ACSM2B: variants seen among roughly 807,000 people sequenced by gnomAD.
ACSM2B encodes acyl-CoA synthetase medium chain family member 2B.
Under a neutral mutation model 78.6 loss-of-function variants are expected in ACSM2B, and 58 were observed. That is an observed-to-expected ratio of 0.74 (90% CI 0.60 to 0.92). The LOEUF (loss-of-function observed/expected upper bound fraction) is 0.92, where lower values mean the gene tolerates loss of function less well. Among genes scored for constraint, ACSM2B ranks in the 40% least tolerant of loss-of-function variants. The pLI is 0.00. For missense variants in ACSM2B, 688 were observed against 711.2 expected (o/e 0.97, Z 0.37); for synonymous variants, 257 against 256.8 (o/e 1.00, Z -0.01).
chr16:20,556,853 T>C (rs2015489282), intron 3 of ACSM2B, among the ~76,000 whole-genome samples: 1 of 152,162 alleles, frequency 6.6e-6, no homozygotes, highest in South Asian at 2.1e-4. Context: ...CTTCTGGCTA[T>C]AATTTCAGTA....
At chr16:20,543,042 A>C (rs1412275900) in intron 11 of ACSM2B, 29 bp from the exon 12 acceptor site, 2 of 1,613,318 alleles carry the variant, frequency 1.2e-6, no homozygotes, top group African/African-American at 2.7e-5. Flanking sequence ...TTCAGAGAAC[A>C]CTGGACACCG....
chr16:20,570,332 T>G (rs1397928515), intron 1 of ACSM2B, among the ~76,000 whole-genome samples: 4 of 152,018 alleles, frequency 2.6e-5, no homozygotes, highest in Admixed American at 2.6e-4. Context: ...GTGATTTTTG[T>G]TTTTAATTCT....
chr16:20,556,104 G>C (rs1333547756), intron 3 of ACSM2B, among the ~76,000 whole-genome samples: 1 of 151,518 alleles, frequency 6.6e-6, no homozygotes, highest in Non-Finnish European at 1.5e-5. Context: ...TTTGTGATGA[G>C]AACATTAGAA....
At chr16:20,540,884 C>T in intron 12 of ACSM2B, 111 bp from the exon 13 acceptor site, 3 of 1,444,950 alleles carry the variant, frequency 2.1e-6, no homozygotes, top group Non-Finnish European at 2.8e-6. Context: ...TACTCATTTG[C>T]ACCCCCGGTG....
intron 6 of ACSM2B, 142 bp downstream of exon 6, chr16:20,552,002 T>C: frequency 7.1e-7 from 1 of 1,403,856 alleles, no homozygotes; most frequent in Non-Finnish European, 9.5e-7. Context: ...AGGGACCATT[T>C]CCATCTCGTT....
chr16:20,539,613 C>T (rs1178363470), intron 13 of ACSM2B, among the ~76,000 whole-genome samples: 2 of 151,994 alleles, frequency 1.3e-5, no homozygotes, highest in African/African-American at 4.8e-5. Context: ...GGAGCTCTCT[C>T]CCCCATCCCC....
intron 1 of ACSM2B, among the ~76,000 whole-genome samples, chr16:20,568,470 T>C (rs573673490): frequency 3.0e-4 from 45 of 150,204 alleles, no homozygotes; most frequent in African/African-American, 1.1e-3. Context: ...TACTTGATGA[T>C]TGACAGGCAT....
chr16:20,555,440 G>T lies in ACSM2B; in HGVS notation c.425C>A (p.Ser142Tyr), dbSNP rs2015444061. 4 of 1,613,618 alleles carry T rather than the reference G, an allele frequency of 2.5e-6. No homozygotes were observed. In the East Asian group the frequency reaches 6.7e-5, roughly 27 times the overall value. The change falls in exon 4 of 14, where the codon TCC (serine) becomes TAC (tyrosine). Residue 142 changes from serine to tyrosine, a missense_variant. Transcript: ENST00000329697. ...CTGCAACCTATACAGTATGTCAGTG[G>T]ATTTCATCTGGATGGTTCCAGGCAT... ...IFMPGTIQMK[S>Y]TDILYRLQMS...
chr16:20,566,750 C>CTATATATAG (rs1213022016), intron 1 of ACSM2B, among the ~76,000 whole-genome samples: 941 of 42,324 alleles, frequency 0.022, 84 homozygotes, highest in African/African-American at 0.11. Context: ...ACTATATATA[C>CTATATATAG]TATATATAGT....
chr16:20,540,890 C>A, intron 12 of ACSM2B, 117 bp from the exon 13 acceptor site: 1 of 1,426,112 alleles, frequency 7.0e-7, no homozygotes, highest in Non-Finnish European at 9.4e-7. Context: ...TTTGCACCCC[C>A]GGTGATCCAG....
At chr16:20,561,859 C>A (rs1165815858) in intron 2 of ACSM2B, among the ~76,000 whole-genome samples, 1 of 97,984 alleles carries the variant, frequency 1.0e-5, no homozygotes, top group Non-Finnish European at 1.9e-5. Flanking sequence ...TGTTATCCCT[C>A]CCCCCTCCCC....
chr16:20,563,235 CTTA>C (rs1467164634), intron 2 of ACSM2B, among the ~76,000 whole-genome samples: 5 of 152,240 alleles, frequency 3.3e-5, no homozygotes, highest in Admixed American at 2.0e-4. Flanking sequence ...TTGCATTACT[CTTA>C]TTATGAGGGA....
intron 13 of ACSM2B, among the ~76,000 whole-genome samples, chr16:20,540,346 G>A (rs2014954953): frequency 1.3e-5 from 2 of 151,322 alleles, no homozygotes; most frequent in Non-Finnish European, 2.9e-5. Context: ...AGATTCGAGC[G>A]ATTCTCATGC....
rs542340665 is a variant in ACSM2B at position 20,552,805 on chromosome 16, G to A, written c.741-508C>T. On this transcript the variant is annotated intron_variant, in intron 5 of 13. Transcript: ENST00000329697. The stretch of plus-strand genomic sequence containing the variant: ...TTTCAGGGCAGAATAAAAGGTTTAG[G>A]ACTTTCTTAAAGCAAGAATGATTTA... Among the ~76,000 whole-genome samples the A allele has an allele frequency of 1.7e-3, 257 of 152,228 alleles. 1 individual carries two copies. Among genetic ancestry groups the A allele is most frequent in the Middle Eastern group, 0.01 (3 of 294 alleles).
intron 6 of ACSM2B, among the ~76,000 whole-genome samples, chr16:20,548,905 A>G (rs887110838): frequency 6.6e-6 from 1 of 152,158 alleles, no homozygotes; most frequent in African/African-American, 2.4e-5. Flanking sequence ...TATTTTCCTG[A>G]AAATATTTTT....
At chr16:20,548,844 T>G (rs1567208639) in intron 6 of ACSM2B, among the ~76,000 whole-genome samples, 1 of 152,174 alleles carries the variant, frequency 6.6e-6, no homozygotes. Flanking sequence ...CTGTCTTGGT[T>G]GAGTCCCTTA....
intron 1 of ACSM2B, chr16:20,575,322 T>C (rs190456602): frequency 6.6e-6 from 1 of 151,954 alleles, no homozygotes; most frequent in African/African-American, 2.4e-5. Context: ...CTCATATATA[T>C]AAGTATATAT....
intron 1 of ACSM2B, among the ~76,000 whole-genome samples, chr16:20,565,481 T>C (rs866353601): frequency 1.3e-5 from 2 of 152,106 alleles, no homozygotes; most frequent in African/African-American, 2.4e-5. Context: ...CACAGACCCA[T>C]AGGGGGAAAA....
chr16:20,562,392 C>T (rs12926939), intron 2 of ACSM2B, among the ~76,000 whole-genome samples: 4 of 152,166 alleles, frequency 2.6e-5, no homozygotes, highest in African/African-American at 9.6e-5. Flanking sequence ...ATTTTATTAG[C>T]TATTTCAAAA....
Sources: allele counts gnomAD v4.1 joint callset (sites outside exome capture counted in the v4.1 genomes callset), GRCh38; gene constraint gnomAD v4.1.1; transcripts MANE v1.5; gene names NCBI Gene and HGNC (gene_info 2026-07-23, HGNC 2026-07-21).